Variants in OSBP observed in about 807,000 individuals in gnomAD.
OSBP encodes oxysterol binding protein.
A neutral mutation model predicts 96.6 loss-of-function variants in OSBP; 32 were observed. The observed-to-expected ratio is 0.33, with a 90% CI of 0.25 to 0.45. The LOEUF (loss-of-function observed/expected upper bound fraction) is 0.45. Among genes scored for constraint, OSBP ranks in the 20% least tolerant of loss-of-function variants. The pLI is 1.00. For missense variants in OSBP, 653 were observed against 1,029.7 expected, an observed-to-expected ratio of 0.63 and a Z score of 5.01; for synonymous variants, 369 against 389.6, an observed-to-expected ratio of 0.95 and a Z score of 0.62.
In OSBP at chr11:59,615,653, C is replaced by T; in HGVS notation, c.12G>A (p.Thr4=). The T allele has an allele frequency of 1.5e-6, 2 of 1,355,222 alleles. No individual in the cohort carries two copies. The highest frequency in any genetic ancestry group is 1.9e-6 in the Non-Finnish European group (2 of 1,054,298). 83.9% of individuals were successfully genotyped at this position (1,355,222 alleles called of 1,614,324 possible). ...CTGGCCCCACCACTCCTCTCAGCTC[C>T]GTCGCCGCCATGAGCCGCCGCCGCC... The part of the protein sequence containing the change: MAA[T]ELRGVVGPGP... The change falls in exon 1 of 14, where the codon ACG becomes ACA. Residue 4 remains threonine (T), a synonymous_variant. Transcript: ENST00000263847.
At chr11:59,585,274 G>A (rs949045356) in intron 9 of OSBP, among the ~76,000 whole-genome samples, 5 of 151,122 alleles carry the variant, frequency 3.3e-5, no homozygotes, top group South Asian at 2.1e-4. Context: ...TGTGGGGACC[G>A]CCTCTGCCCT....
chr11:59,578,101 C>T (rs537286136), intron 12 of OSBP, 48 bp downstream of exon 12: 2 of 1,568,952 alleles, frequency 1.3e-6, no homozygotes, highest in African/African-American at 2.7e-5. Context: ...TATTGCTCCA[C>T]AGTCAAGGTC....
intron 9 of OSBP, among the ~76,000 whole-genome samples, chr11:59,592,474 G>A (rs999503466): frequency 1.6e-4 from 25 of 152,314 alleles, no homozygotes; most frequent in African/African-American, 5.8e-4. Context: ...CCTCGTGAAA[G>A]ACTAGAACCT....
At chr11:59,577,822 G>C (rs1020574452) in intron 12 of OSBP, among the ~76,000 whole-genome samples, 4 of 152,190 alleles carry the variant, frequency 2.6e-5, no homozygotes, top group African/African-American at 9.7e-5. Context: ...ATTGTTAACA[G>C]GTGGTAGGCA....
rs749269736 is a variant in OSBP, at chr11:59,576,545, A to G, written c.*32T>C. ...CCACACATCCTCTGTCCTCTTCTCCATTATATGCTCCTCTTTTTTGTTACT... is the reference window on the plus strand; with the variant it reads ...CCACACATCCTCTGTCCTCTTCTCCGTTATATGCTCCTCTTTTTTGTTACT... On this transcript the variant is annotated 3_prime_UTR_variant, in exon 14 of 14. Transcript: ENST00000263847. 58 of 1,606,332 alleles carry G rather than the reference A, an allele frequency of 3.6e-5. No individual in the cohort carries two copies. The highest frequency in any genetic ancestry group is 4.6e-5 in the Non-Finnish European group (54 of 1,176,606).
At position 59,582,376 on chromosome 11, in the gene OSBP, G is replaced by A. The variant is rs146014060; in HGVS notation, c.1679-822C>T. 7.2e-5 allele frequency among the ~76,000 whole-genome samples: 11 copies of A among 152,236 alleles called. No homozygotes were observed. In the East Asian group the frequency reaches 2.1e-3, roughly 29 times the overall value. ...ATAATGAAGCCCTGCTAAAATCTCT[G>A]GATACCAAAGCTCAGTGGAGTTTCC... On this transcript the variant is annotated intron_variant, in intron 9 of 13. Transcript: ENST00000263847.
Position 59,587,396 on chromosome 11 carries a change from G to A in OSBP, c.1679-5842C>T, listed in dbSNP as rs555492541. On this transcript the variant is annotated intron_variant, in intron 9 of 13. Coordinates refer to ENST00000263847, the MANE Select transcript of OSBP (RefSeq NM_002556.3). ...GGGGGCCTGTAATCCCAGCTATTCT[G>A]GAGGCTTAGGCAGGAGAATCACCTG... Among the ~76,000 whole-genome samples, 3 of 152,152 alleles carry A rather than the reference G, an allele frequency of 2.0e-5. No homozygotes were observed. The Middle Eastern group carries it at 0.01, about 518-fold the overall frequency.
chr11:59,615,665 G>A lies in OSBP; in HGVS notation c.-1C>T, dbSNP rs1860919233. The A allele has an allele frequency of 7.5e-7, 1 of 1,335,004 alleles. No individual in the cohort carries two copies. The highest frequency in any genetic ancestry group is 9.6e-7 in the Non-Finnish European group (1 of 1,043,476). The allele number at this position is 1,335,004 out of a possible 1,614,324, so 82.7% of individuals were successfully genotyped here. A position where few individuals can be genotyped will look rare whatever the true frequency, so the allele number is the denominator to read the frequency against. ...CTCCTCTCAGCTCCGTCGCCGCCAT[G>A]AGCCGCCGCCGCCTGGAGATACAAG... On this transcript the variant is annotated 5_prime_UTR_variant, in exon 1 of 14. Coordinates refer to ENST00000263847, the MANE Select transcript of OSBP (RefSeq NM_002556.3).
chr11:59,578,261 T>C lies in OSBP; in HGVS notation c.1948A>G (p.Met650Val), dbSNP rs1860382691. Residue 650 changes from methionine to valine, a missense_variant, in exon 12 of 14, where the codon ATG becomes GTG. Transcript: ENST00000263847. ...FALLGTWDEK[M>V]ECFKVQPVIG... ...ACTGGCTGTACTTTGAAACATTCCA[T>C]TTTCTCATCCCACGTCCCCAGAAGA... 3.1e-6 allele frequency: 5 copies of C among 1,614,186 alleles called. No individual in the cohort carries two copies. The South Asian group carries it at 3.3e-5, about 11-fold the overall frequency.
intron 9 of OSBP, among the ~76,000 whole-genome samples, chr11:59,583,393 A>T (rs1196842374): frequency 6.6e-6 from 1 of 152,184 alleles, no homozygotes; most frequent in Non-Finnish European, 1.5e-5. Flanking sequence ...ACTAATAAAA[A>T]ATAACTCACC....
In OSBP at chr11:59,593,743, A is replaced by C; in HGVS notation, c.1558-19T>G. 6.2e-7 allele frequency: 1 copy of C among 1,613,518 alleles called. No individual in the cohort carries two copies. Among genetic ancestry groups the C allele is most frequent in the Non-Finnish European group, 8.5e-7 (1 of 1,179,560 alleles). ...GACTCACCTTGAAGAAATCAGGTTCAAATTAAGACGGCAGAAAGGAGAAGA... is the reference window on the plus strand; with the variant it reads ...GACTCACCTTGAAGAAATCAGGTTCCAATTAAGACGGCAGAAAGGAGAAGA... On this transcript the variant is annotated intron_variant, in intron 8 of 13. Coordinates refer to ENST00000263847, the MANE Select transcript of OSBP (RefSeq NM_002556.3).
chr11:59,596,689 G>A (rs754454672), intron 7 of OSBP, among the ~76,000 whole-genome samples: 14 of 152,058 alleles, frequency 9.2e-5, no homozygotes, highest in Non-Finnish European at 1.6e-4. Context: ...CAGCCTAGAG[G>A]TGGGGGTCCA....
At chr11:59,594,288 C>A (rs760669015) in intron 7 of OSBP, 33 bp from the exon 8 acceptor site, 2 of 1,606,816 alleles carry the variant, frequency 1.2e-6, no homozygotes, top group Non-Finnish European at 1.7e-6. Flanking sequence ...AAAAACTATG[C>A]TCACTCATCT....
At chr11:59,601,526 C>A in intron 4 of OSBP, 114 bp downstream of exon 4, 1 of 1,167,014 alleles carries the variant, frequency 8.6e-7, no homozygotes, top group Non-Finnish European at 1.3e-6. Context: ...TCAATGGGTT[C>A]CAATTCCATT....
In OSBP at chr11:59,615,588, C is replaced by CCGG. The variant is rs778337832; in HGVS notation, c.74_76dup (p.Ala25dup). On this transcript the variant is annotated inframe_insertion, in exon 1 of 14. Coordinates refer to ENST00000263847, the MANE Select transcript of OSBP (RefSeq NM_002556.3). ...GCCGCCTCCTCCCACCACTGGGGGA[C>CCGG]CGGCGCCGCCGCCGCCAAGTGCTGC... 2.6e-5 allele frequency: 36 copies of CCGG among 1,373,370 alleles called. No homozygotes were observed. The South Asian group carries it at 5.7e-4, about 22-fold the overall frequency. The allele number at this position is 1,373,370 out of a possible 1,614,324, so 85.1% of individuals were successfully genotyped here.
Position 59,593,859 on chromosome 11 carries a change from AG to A in OSBP, c.1558-136del. On this transcript the variant is annotated intron_variant, in intron 8 of 13. Transcript: ENST00000263847. Reference sequence around the variant, plus strand: ...ACAGTAGGTGAATCCCAGAACCTCCAGGGTCTCCAACGCTGACGTTCTGAAG... The same window carrying A: ...ACAGTAGGTGAATCCCAGAACCTCCAGGTCTCCAACGCTGACGTTCTGAAG... The A allele has an allele frequency of 2.1e-6, 3 of 1,423,082 alleles. No individual in the cohort carries two copies. In the South Asian group the frequency reaches 4.0e-5, roughly 19 times the overall value. 88.2% of individuals were successfully genotyped at this position (1,423,082 alleles called of 1,614,324 possible).
At chr11:59,612,261 C>T (rs1322151956) in intron 1 of OSBP, among the ~76,000 whole-genome samples, 2 of 152,198 alleles carry the variant, frequency 1.3e-5, no homozygotes, top group Non-Finnish European at 2.9e-5. Flanking sequence ...TTTCCATCTC[C>T]TGCACCTGCC....
Position 59,576,377 on chromosome 11 carries a change from ATTTCAG to A in OSBP, c.*194_*199del. ...TACAGACATAGTATCTCCTATGTCG[ATTTCAG>A]TTTCAATCAGCTAAGGCAACCAGCC... On this transcript the variant is annotated 3_prime_UTR_variant, in exon 14 of 14. Transcript: ENST00000263847. 1 of 599,302 alleles carries A rather than the reference ATTTCAG, an allele frequency of 1.7e-6. No individual in the cohort carries two copies. 37.1% of individuals were successfully genotyped at this position (599,302 alleles called of 1,614,324 possible).
At position 59,577,405 on chromosome 11, in the gene OSBP, G is replaced by C. The variant is rs144254051; in HGVS notation, c.2061-380C>G. 7.2e-5 allele frequency among the ~76,000 whole-genome samples: 11 copies of C among 152,260 alleles called. No homozygotes were observed. The East Asian group carries it at 2.1e-3, about 29-fold the overall frequency. On this transcript the variant is annotated intron_variant, in intron 12 of 13. Transcript: ENST00000263847. The stretch of plus-strand genomic sequence containing the variant: ...CTACAAACTGACTGTATTAGATGAC[G>C]ACAGGAAATAAGTGACCTCCATCTT...
Sources: allele counts gnomAD v4.1 joint callset (sites outside exome capture counted in the v4.1 genomes callset), GRCh38; gene constraint gnomAD v4.1.1; transcripts MANE v1.5; gene names NCBI Gene and HGNC (gene_info 2026-07-23, HGNC 2026-07-21).